Variants in KLHL13 observed in about 807,000 individuals in gnomAD.
The protein encoded by KLHL13 is kelch like family member 13, also known as kelch-like protein 13.
KLHL13 carries 10 observed loss-of-function variants against 37.1 expected under a neutral mutation model. The observed-to-expected ratio is 0.27, with a 90% CI of 0.17 to 0.46. The LOEUF (loss-of-function observed/expected upper bound fraction) is 0.46, where lower values mean the gene tolerates loss of function less well. Among genes scored for constraint, KLHL13 ranks in the 20% least tolerant of loss-of-function variants. KLHL13 has a pLI of 1.00. For missense variants in KLHL13, 360 were observed against 509.3 expected (o/e 0.71, Z 2.82); for synonymous variants, 163 against 181.2 (o/e 0.90, Z 0.81).
chrX:118,062,355 A>T (rs2054751545), intron 1 of KLHL13, among the ~76,000 whole-genome samples: 1 of 110,299 alleles, frequency 9.1e-6, no homozygotes, highest in African/African-American at 3.3e-5. Context: ...TATACAAACA[A>T]GTCTCATCTG....
chrX:117,984,055 T>C (rs1310823868), intron 1 of KLHL13, among the ~76,000 whole-genome samples: 1 of 112,082 alleles, frequency 8.9e-6, no homozygotes, highest in Non-Finnish European at 1.9e-5. Flanking sequence ...TTACTACCAA[T>C]TCTTTTTATT....
chrX:117,989,579 G>C (rs1195534314), intron 1 of KLHL13, among the ~76,000 whole-genome samples: 1 of 110,401 alleles, frequency 9.1e-6, no homozygotes, highest in Admixed American at 9.7e-5. Context: ...TTACATAAAT[G>C]ATCAACCTAT....
chrX:118,008,568 A>G lies in KLHL13; in HGVS notation c.-55-62993T>C, dbSNP rs187540228. ...GAGACAGGAGGACACATTCCTCTAC[A>G]TTCACTTCCTGCACTCTCTAAAAAG... On this transcript the variant is annotated intron_variant, in intron 1 of 6. Transcript: ENST00000371882. Among the ~76,000 whole-genome samples the G allele has an allele frequency of 1.2e-3, 129 of 112,141 alleles. 1 individual carries two copies. The highest frequency in any genetic ancestry group is 4.1e-3 in the African/African-American group (126 of 30,893).
intron 2 of KLHL13, among the ~76,000 whole-genome samples, chrX:117,944,669 C>T (rs949531141): frequency 1.4e-4 from 16 of 110,858 alleles, no homozygotes; most frequent in African/African-American, 5.3e-4. Flanking sequence ...GTAAGAGGAC[C>T]AATATAATTT....
chrX:117,949,569 T>A (rs1231121850), intron 1 of KLHL13, among the ~76,000 whole-genome samples: 2 of 112,072 alleles, frequency 1.8e-5, no homozygotes, highest in Non-Finnish European at 3.8e-5. Flanking sequence ...AATTGCATCA[T>A]TTGACTCAAA....
chrX:118,010,629 T>C (rs1464686643), intron 1 of KLHL13, among the ~76,000 whole-genome samples: 2 of 82,258 alleles, frequency 2.4e-5, no homozygotes, highest in African/African-American at 4.5e-5. Flanking sequence ...TTGGGAGATA[T>C]ACCTAATGCT....
intron 1 of KLHL13, among the ~76,000 whole-genome samples, chrX:118,033,759 AT>A (rs1356727761): frequency 9.0e-6 from 1 of 110,608 alleles, no homozygotes; most frequent in African/African-American, 3.3e-5. Context: ...TTAAAGGTAA[AT>A]GGGCTAAATG....
chrX:118,017,683 C>T (rs1403317049), intron 1 of KLHL13, among the ~76,000 whole-genome samples: 1 of 111,611 alleles, frequency 9.0e-6, no homozygotes, highest in Non-Finnish European at 1.9e-5. Flanking sequence ...TTAAGAAACA[C>T]AATTATTTGT....
chrX:117,945,313 A>AC (rs1340849557), intron 2 of KLHL13, 121 bp downstream of exon 3: 15 of 660,414 alleles, frequency 2.3e-5, no homozygotes, highest in Non-Finnish European at 3.3e-5. Flanking sequence ...TAGTTACCAT[A>AC]CATTTCCTAT....
intron 1 of KLHL13, among the ~76,000 whole-genome samples, chrX:118,010,613 A>G (rs1415961720): frequency 2.7e-4 from 18 of 66,865 alleles, no homozygotes; most frequent in African/African-American, 7.9e-4. Flanking sequence ...GGGGGGAGGG[A>G]TAGCATTGGG....
intron 1 of KLHL13, among the ~76,000 whole-genome samples, chrX:117,997,640 T>C (rs1014985804): frequency 1.8e-5 from 2 of 112,025 alleles, no homozygotes; most frequent in Non-Finnish European, 3.8e-5. Flanking sequence ...AAACATTTAA[T>C]AAATTGCAGG....
At chrX:117,918,038 C>G (rs1342222263) in intron 4 of KLHL13, among the ~76,000 whole-genome samples, 1 of 111,522 alleles carries the variant, frequency 9.0e-6, no homozygotes, top group Non-Finnish European at 1.9e-5. Flanking sequence ...GGGAATGGGC[C>G]TTGCATGATC....
intron 5 of KLHL13, 149 bp downstream of exon 6, chrX:117,909,152 A>G: frequency 2.0e-6 from 1 of 504,518 alleles, no homozygotes; most frequent in Non-Finnish European, 3.2e-6. Flanking sequence ...AGGCATAAAG[A>G]TGGTCTTCAA....
At chrX:117,901,029 A>T (rs1268937794) in intron 6 of KLHL13, among the ~76,000 whole-genome samples, 2 of 111,981 alleles carry the variant, frequency 1.8e-5, no homozygotes, top group Non-Finnish European at 3.8e-5. Context: ...TAACAGAAAA[A>T]TATATCTTCA....
intron 1 of KLHL13, among the ~76,000 whole-genome samples, chrX:117,962,781 T>A (rs1412669900): frequency 8.9e-6 from 1 of 111,874 alleles, no homozygotes; most frequent in African/African-American, 3.2e-5. Flanking sequence ...ATTGGAGAAA[T>A]TACAAGCTTT....
intron 1 of KLHL13, among the ~76,000 whole-genome samples, chrX:118,059,733 C>T (rs901224462): frequency 5.4e-5 from 6 of 111,209 alleles, no homozygotes; most frequent in African/African-American, 2.0e-4. Flanking sequence ...TTGGTCCTAC[C>T]AATTAAATGT....
At chrX:117,990,549 A>G (rs1375679442) in intron 1 of KLHL13, among the ~76,000 whole-genome samples, 2 of 111,954 alleles carry the variant, frequency 1.8e-5, no homozygotes, top group Non-Finnish European at 3.8e-5. Flanking sequence ...CTATTAAATT[A>G]CTGTTGCTAC....
chrX:118,089,631 A>AAAGAAAG (rs1491106426), intron 1 of KLHL13, among the ~76,000 whole-genome samples: 24 of 100,545 alleles, frequency 2.4e-4, no homozygotes, highest in African/African-American at 8.7e-4. Flanking sequence ...AGAAAGAAAG[A>AAAGAAAG]AAGAAAGAAA....
chrX:117,928,058 A>T lies in KLHL13; in HGVS notation c.241-7688T>A, dbSNP rs534005537. ...TAATTAAAATAAACCTAGCATGACTACAATACCAAACAAAATAGATCTCAG... is the reference window on the plus strand; with the variant it reads ...TAATTAAAATAAACCTAGCATGACTTCAATACCAAACAAAATAGATCTCAG... On this transcript the variant is annotated intron_variant, in intron 2 of 6. Coordinates refer to ENST00000262820, the Ensembl canonical transcript of KLHL13. Among the ~76,000 whole-genome samples the T allele has an allele frequency of 5.3e-5, 6 of 112,491 alleles. No homozygotes were observed. The South Asian group carries it at 2.2e-3, about 41-fold the overall frequency.
Sources: allele counts gnomAD v4.1 joint callset (sites outside exome capture counted in the v4.1 genomes callset), GRCh38; gene constraint gnomAD v4.1.1; transcripts MANE v1.5; gene names NCBI Gene and HGNC (gene_info 2026-07-23, HGNC 2026-07-21).